The following NSMAF variants were observed in gnomAD, a reference collection of about 807,000 sequenced individuals.
NSMAF encodes the protein protein FAN.
Under a neutral mutation model 134.9 loss-of-function variants are expected in NSMAF, and 90 were observed. The observed-to-expected ratio is 0.67, with a 90% CI of 0.56 to 0.79. The LOEUF (loss-of-function observed/expected upper bound fraction) is 0.79. Ranked by LOEUF, NSMAF falls within the 30% of genes least tolerant of loss-of-function variation. The pLI, the probability that NSMAF is intolerant of heterozygous loss-of-function variation, is 0.00. For missense variants in NSMAF, 1,010 were observed against 1,119.0 expected (o/e 0.90, Z 1.39); for synonymous variants, 358 against 389.6 (o/e 0.92, Z 0.96).
In NSMAF at chr8:58,631,495, C is replaced by T; in HGVS notation, c.384+1G>A. 1 of 1,494,428 alleles carries T rather than the reference C, an allele frequency of 6.7e-7. No individual in the cohort carries two copies. The highest frequency in any genetic ancestry group is 9.1e-7 in the Non-Finnish European group (1 of 1,101,760). 92.6% of individuals were successfully genotyped at this position (1,494,428 alleles called of 1,614,324 possible). ...GGAAATACATGAAAAGCTTTACTTA[C>T]CCTTTCTATTTTATATGGTGCAACA... On this transcript the variant is annotated splice_donor_variant, in intron 6 of 30. Transcript: ENST00000038176. LOFTEE classifies it high-confidence loss of function.
chr8:58,609,672 C>CA lies in NSMAF; in HGVS notation c.618_619insT (p.Val207CysfsTer3). ...ATGCACACGTGTCCAGGATTAGTCA[C>CA]CAGAGGCGTCACCATTTCTGCTTTG... is the stretch of plus-strand genomic sequence containing the variant. On this transcript the variant is annotated frameshift_variant, in exon 10 of 31. Transcript: ENST00000038176. LOFTEE classifies it high-confidence loss of function. The CA allele has an allele frequency of 6.2e-7, 1 of 1,614,124 alleles. No individual in the cohort carries two copies. The highest frequency in any genetic ancestry group is 8.5e-7 in the Non-Finnish European group (1 of 1,179,984).
At chr8:58,646,448 A>G (rs1184657125) in intron 1 of NSMAF, among the ~76,000 whole-genome samples, 1 of 152,222 alleles carries the variant, frequency 6.6e-6, no homozygotes, top group Non-Finnish European at 1.5e-5. Context: ...TAATCATATC[A>G]GCTATTTTAG....
At chr8:58,635,859 AAT>A (rs1354821349) in intron 2 of NSMAF, among the ~76,000 whole-genome samples, 1 of 152,202 alleles carries the variant, frequency 6.6e-6, no homozygotes, top group Non-Finnish European at 1.5e-5. Flanking sequence ...CACACTGAGA[AAT>A]AGTCTTACAG....
intron 2 of NSMAF, chr8:58,639,871 A>G: frequency 3.4e-6 from 1 of 297,194 alleles, no homozygotes; most frequent in Non-Finnish European, 6.7e-6. Flanking sequence ...ACATTATGCT[A>G]AGTAAAATAA....
chr8:58,617,264 A>T (rs1421070359), intron 9 of NSMAF, among the ~76,000 whole-genome samples: 3 of 152,212 alleles, frequency 2.0e-5, no homozygotes, highest in Non-Finnish European at 2.9e-5. Flanking sequence ...GGACTTCATG[A>T]CTAAAACACG....
chr8:58,597,354 G>T, intron 21 of NSMAF, 33 bp downstream of exon 21: 1 of 1,578,306 alleles, frequency 6.3e-7, no homozygotes. Context: ...AGAAACAAAA[G>T]GTGCTCACGT....
chr8:58,625,298 A>G (rs989822931), intron 6 of NSMAF, among the ~76,000 whole-genome samples: 2 of 152,190 alleles, frequency 1.3e-5, no homozygotes, highest in African/African-American at 4.8e-5. Flanking sequence ...ACATGATTCA[A>G]TACCTTATAA....
Position 58,634,451 on chromosome 8 carries a change from C to A in NSMAF, c.333+738G>T, listed in dbSNP as rs115787885. Among the ~76,000 whole-genome samples, 12 of 152,256 alleles carry A rather than the reference C, an allele frequency of 7.9e-5. No homozygotes were observed. In the East Asian group the frequency reaches 2.3e-3, roughly 29 times the overall value. ...AGTCAAGTTTTGAAGTCAGCAAGTC[C>A]GTGCATCTTTGTTCCCACAGCTTTT... On this transcript the variant is annotated intron_variant, in intron 5 of 30. Coordinates refer to ENST00000038176, the MANE Select transcript of NSMAF (RefSeq NM_003580.4).
In NSMAF at chr8:58,602,044, C is replaced by A; in HGVS notation, c.1125+14G>T. ...CGTGTTGCTTAGAAACCAAGAATCT[C>A]TAAGTCCACATACCAGTAGTCTCTC... is the stretch of plus-strand genomic sequence containing the variant. On this transcript the variant is annotated intron_variant, in intron 14 of 30. Transcript: ENST00000038176. 6.2e-7 allele frequency: 1 copy of A among 1,602,586 alleles called. No individual in the cohort carries two copies. Among genetic ancestry groups the A allele is most frequent in the Non-Finnish European group, 8.5e-7 (1 of 1,171,980 alleles).
At chr8:58,620,776 C>G (rs1261831010) in intron 9 of NSMAF, among the ~76,000 whole-genome samples, 1 of 152,032 alleles carries the variant, frequency 6.6e-6, no homozygotes, top group Non-Finnish European at 1.5e-5. Flanking sequence ...TATGAAGAGG[C>G]TGGAGGAGAA....
In NSMAF at chr8:58,601,546, G is replaced by GAAAAAAAAAAAAAA. The variant is rs33942423; in HGVS notation, c.1126-25_1126-12dup. 2 of 1,444,030 alleles carry GAAAAAAAAAAAAAA rather than the reference G, an allele frequency of 1.4e-6. No homozygotes were observed. The highest frequency in any genetic ancestry group is 1.5e-5 in the South Asian group (1 of 68,530). The allele number at this position is 1,444,030 out of a possible 1,614,324, so 89.5% of individuals were successfully genotyped here. On this transcript the variant is annotated splice_polypyrimidine_tract_variant and intron_variant, in intron 14 of 30. Transcript: ENST00000038176. The stretch of plus-strand genomic sequence containing the variant: ...TTCCTGGTAGCGTGTCTAGAATACA[G>GAAAAAAAAAAAAAA]AAAAAAAAAAAAAATAGAGCTAAGT...
chr8:58,613,304 C>T (rs1264587254), intron 9 of NSMAF, among the ~76,000 whole-genome samples: 1 of 151,840 alleles, frequency 6.6e-6, no homozygotes, highest in African/African-American at 2.4e-5. Flanking sequence ...CATAAATTAG[C>T]CACAAGATAA....
intron 18 of NSMAF, 179 bp downstream of exon 18, chr8:58,599,571 A>C: frequency 1.1e-6 from 1 of 878,322 alleles, no homozygotes; most frequent in Non-Finnish European, 1.7e-6. Flanking sequence ...TCTCAAATAT[A>C]TATTAATGTT....
chr8:58,620,463 T>C (rs1038582485), intron 9 of NSMAF, among the ~76,000 whole-genome samples: 1 of 152,124 alleles, frequency 6.6e-6, no homozygotes, highest in African/African-American at 2.4e-5. Context: ...CATGTTAAGG[T>C]GTTTAGGCTT....
chr8:58,659,299 A>G (rs1485685300), intron 1 of NSMAF: 2 of 1,524,676 alleles, frequency 1.3e-6, no homozygotes, highest in Non-Finnish European at 8.8e-7. Flanking sequence ...ACTGCCGGAT[A>G]GCTCGGCATG....
chr8:58,640,183 A>G, intron 2 of NSMAF: 2 of 410,406 alleles, frequency 4.9e-6, no homozygotes, highest in African/African-American at 2.1e-5. Context: ...TAGATCTTAT[A>G]TGTTCTTATT....
chr8:58,642,947 G>T (rs770221673), intron 2 of NSMAF, 37 bp downstream of exon 2: 2 of 1,430,016 alleles, frequency 1.4e-6, no homozygotes, highest in Non-Finnish European at 2.0e-6. Flanking sequence ...ATATCAGAAA[G>T]GTTTGTTTGT....
At chr8:58,587,582 G>A in intron 27 of NSMAF, 36 bp downstream of exon 27, 1 of 1,582,284 alleles carries the variant, frequency 6.3e-7, no homozygotes. Context: ...AGACTTTTAA[G>A]GTCAGTTTTC....
chr8:58,614,668 G>C (rs1806616641), intron 9 of NSMAF, among the ~76,000 whole-genome samples: 1 of 152,194 alleles, frequency 6.6e-6, no homozygotes, highest in Non-Finnish European at 1.5e-5. Flanking sequence ...TAAAAGTCAA[G>C]TGCTGTCTTT....
Sources: gnomAD v4.1 joint callset for allele counts (sites outside exome capture counted in the v4.1 genomes callset) on GRCh38, gnomAD v4.1.1 for gene constraint, MANE v1.5 for transcripts, NCBI Gene and HGNC (gene_info 2026-07-23, HGNC 2026-07-21) for gene names.